Variants in VWA8 observed in about 807,000 individuals in gnomAD.
VWA8 encodes von Willebrand factor A domain containing 8.
A neutral mutation model predicts 241.5 loss-of-function variants in VWA8; 221 were observed. That is an observed-to-expected ratio of 0.91 (90% confidence interval 0.82 to 1.02). The LOEUF (loss-of-function observed/expected upper bound fraction) is 1.02, where lower values mean the gene tolerates loss of function less well. Among genes scored for constraint, VWA8 ranks in the 50% least tolerant of loss-of-function variants. The probability of loss-of-function intolerance (pLI) is 0.00; values close to 1 mark genes in which losing one functional copy is unlikely to be tolerated. For synonymous variants in VWA8, 852 were observed against 827.1 expected (o/e 1.03, Z -0.52); for missense variants, 2,322 against 2,328.7 (o/e 1.00, Z 0.06).
intron 14 of VWA8, among the ~76,000 whole-genome samples, chr13:41,830,180 T>C (rs1871379429): frequency 6.6e-6 from 1 of 151,048 alleles, no homozygotes; most frequent in Non-Finnish European, 1.5e-5. Context: ...GAGGCGGAGC[T>C]TGCAATGAGC....
In VWA8 at chr13:41,947,523, T is replaced by C. The variant is rs1443099856; in HGVS notation, c.241+2413A>G. 2.6e-5 allele frequency among the ~76,000 whole-genome samples: 4 copies of C among 152,216 alleles called. No individual in the cohort carries two copies. The South Asian group carries it at 8.3e-4, about 31-fold the overall frequency. The stretch of plus-strand genomic sequence containing the variant: ...GACCACAATGAGATGTCACTTCACA[T>C]GTCTGACTATGGCTGTAATAAAAAA... On this transcript the variant is annotated intron_variant, in intron 2 of 44. Transcript: ENST00000379310.
intron 12 of VWA8, among the ~76,000 whole-genome samples, chr13:41,836,419 T>G (rs946987803): frequency 3.9e-5 from 6 of 152,114 alleles, no homozygotes; most frequent in Non-Finnish European, 8.8e-5. Flanking sequence ...TTAGGAGTCT[T>G]TTGCTTGGGC....
chr13:41,663,393 T>A (rs994607431), intron 37 of VWA8, among the ~76,000 whole-genome samples: 1 of 152,146 alleles, frequency 6.6e-6, no homozygotes, highest in Admixed American at 6.5e-5. Flanking sequence ...TTAATTCTTA[T>A]CAAAGTAATA....
At chr13:41,587,191 G>A (rs574860832) in intron 42 of VWA8, among the ~76,000 whole-genome samples, 7 of 152,298 alleles carry the variant, frequency 4.6e-5, no homozygotes, top group Non-Finnish European at 1.0e-4. Flanking sequence ...GGCTAGTGAT[G>A]GGGCAAGAGT....
chr13:41,877,461 C>T (rs1873953455), intron 9 of VWA8, among the ~76,000 whole-genome samples: 1 of 151,906 alleles, frequency 6.6e-6, no homozygotes, highest in Non-Finnish European at 1.5e-5. Context: ...GCTCCTCAGA[C>T]ATTAATATTG....
intron 12 of VWA8, among the ~76,000 whole-genome samples, chr13:41,843,909 T>C (rs1668488405): frequency 6.6e-6 from 1 of 151,928 alleles, no homozygotes; most frequent in South Asian, 2.1e-4. Flanking sequence ...CTACCAGACA[T>C]CAAAAAAGAG....
intron 1 of VWA8, among the ~76,000 whole-genome samples, chr13:41,953,132 T>C (rs1306692301): frequency 6.6e-6 from 1 of 152,234 alleles, no homozygotes; most frequent in Admixed American, 6.5e-5. Context: ...TAAGTAGCTC[T>C]CTTGGTAAAT....
At chr13:41,932,638 T>C (rs1453726439) in intron 2 of VWA8, among the ~76,000 whole-genome samples, 1 of 151,810 alleles carries the variant, frequency 6.6e-6, no homozygotes, top group Non-Finnish European at 1.5e-5. Flanking sequence ...GAATGAGAAG[T>C]TGAAAAGTTA....
intron 12 of VWA8, among the ~76,000 whole-genome samples, chr13:41,859,068 A>T (rs1872887839): frequency 6.6e-6 from 1 of 151,002 alleles, no homozygotes; most frequent in South Asian, 2.1e-4. Flanking sequence ...CAGAGCAAAA[A>T]CCTGTCTCTT....
At chr13:41,757,009 G>A (rs2045698914) in intron 21 of VWA8, among the ~76,000 whole-genome samples, 1 of 151,480 alleles carries the variant, frequency 6.6e-6, no homozygotes, top group African/African-American at 2.4e-5. Context: ...CTCAAAAGTT[G>A]GAATTATGAT....
chr13:41,589,809 T>C (rs1401874034), intron 41 of VWA8, among the ~76,000 whole-genome samples: 2 of 152,202 alleles, frequency 1.3e-5, no homozygotes, highest in Non-Finnish European at 2.9e-5. Context: ...CAGGCCACTG[T>C]GTGCTCTTCA....
intron 10 of VWA8, among the ~76,000 whole-genome samples, chr13:41,866,403 G>A (rs9532940): frequency 1.9e-3 from 284 of 148,952 alleles, no homozygotes; most frequent in African/African-American, 5.4e-3. Context: ...GTGTGTGTGT[G>A]TATATGTGTG....
At chr13:41,585,151 C>T (rs1280430635) in intron 42 of VWA8, among the ~76,000 whole-genome samples, 1 of 151,484 alleles carries the variant, frequency 6.6e-6, no homozygotes. Context: ...TTGTGTGTGA[C>T]AGGTCTAGTT....
At chr13:41,819,081 AC>A in intron 15 of VWA8, 136 bp downstream of exon 15, 1 of 827,556 alleles carries the variant, frequency 1.2e-6, no homozygotes, top group South Asian at 2.1e-5. Flanking sequence ...ACTGACCTTC[AC>A]CACTGTATGA....
intron 42 of VWA8, among the ~76,000 whole-genome samples, chr13:41,577,768 T>C (rs188483508): frequency 4.6e-5 from 7 of 152,344 alleles, no homozygotes; most frequent in East Asian, 1.9e-4. Context: ...GTTTCTTATA[T>C]TGGGCTGAGG....
rs546283747 is a variant in VWA8 at position 41,656,168 on chromosome 13, T to A, written c.4611+14778A>T. On this transcript the variant is annotated intron_variant, in intron 37 of 44. Transcript: ENST00000379310. ...TGTGTCAGATTTTTCTCTTTCTGAG[T>A]AATGACTTATATGTAAATATGAAGG... Among the ~76,000 whole-genome samples, 52 of 152,324 alleles carry A rather than the reference T, an allele frequency of 3.4e-4. 1 individual carries two copies. In the South Asian group the frequency reaches 0.011, roughly 31 times the overall value.
At chr13:41,730,664 T>G (rs1012962436) in intron 22 of VWA8, among the ~76,000 whole-genome samples, 1 of 152,174 alleles carries the variant, frequency 6.6e-6, no homozygotes, top group Non-Finnish European at 1.5e-5. Context: ...TAGAGAAAAC[T>G]CTTAAAAACA....
At chr13:41,873,598 T>A (rs1465696138) in intron 9 of VWA8, among the ~76,000 whole-genome samples, 1 of 152,146 alleles carries the variant, frequency 6.6e-6, no homozygotes, top group Non-Finnish European at 1.5e-5. Context: ...AATGGATAAA[T>A]TCCTCGACAC....
chr13:41,939,560 CTGCTGTGCCCAA>C (rs753100665), intron 2 of VWA8, among the ~76,000 whole-genome samples: 20 of 152,048 alleles, frequency 1.3e-4, no homozygotes, highest in Admixed American at 6.5e-4. Context: ...GGAAGATGTC[CTGCTGTGCCCAA>C]TGCTGTGCCC....
Sources: allele counts gnomAD v4.1 joint callset (sites outside exome capture counted in the v4.1 genomes callset), GRCh38; gene constraint gnomAD v4.1.1; transcripts MANE v1.5; gene names NCBI Gene and HGNC (gene_info 2026-07-23, HGNC 2026-07-21).